The following CCNY variants were observed in gnomAD, a reference collection of about 807,000 sequenced individuals.
The protein encoded by CCNY is cyclin-Y.
CCNY carries 19 observed loss-of-function variants against 42.8 expected under a neutral mutation model. The ratio of observed to expected loss-of-function variants is 0.44; its 90% CI spans 0.31 to 0.65. The LOEUF is 0.65. Among genes scored for constraint, CCNY ranks in the 30% least tolerant of loss-of-function variants. CCNY has a pLI of 0.07. For synonymous variants in CCNY, 165 were observed against 162.7 expected (o/e 1.01, Z -0.11); for missense variants, 370 against 437.3 (o/e 0.85, Z 1.37).
chr10:35,390,845 A>C lies in CCNY; in HGVS notation c.154+53638A>C, dbSNP rs1164708810. Among the ~76,000 whole-genome samples the C allele has an allele frequency of 2.0e-5, 3 of 152,246 alleles. No individual in the cohort carries two copies. In the East Asian group the frequency reaches 5.8e-4, roughly 29 times the overall value. ...AATGACATGTAAATGCTCAAGATAC[A>C]TAACATGAATTAAAGTGGAATTGCT... On this transcript the variant is annotated intron_variant, in intron 1 of 9. Transcript: ENST00000374704.
chr10:35,339,181 A>T (rs1431741296), intron 1 of CCNY, among the ~76,000 whole-genome samples: 1 of 152,202 alleles, frequency 6.6e-6, no homozygotes, highest in Non-Finnish European at 1.5e-5. Flanking sequence ...TCAATAAATA[A>T]TACTTCTAGC....
chr10:35,260,552 G>C (rs1416221064), intron 3 of CCNY, among the ~76,000 whole-genome samples: 3 of 152,228 alleles, frequency 2.0e-5, no homozygotes, highest in Non-Finnish European at 4.4e-5. Context: ...AGTTTTAAAT[G>C]CTGGCTGTGC....
chr10:35,450,674 C>T (rs565109261), intron 1 of CCNY, among the ~76,000 whole-genome samples: 109 of 152,002 alleles, frequency 7.2e-4, no homozygotes, highest in African/African-American at 2.5e-3. Context: ...CTTGGGGAGG[C>T]CAGTATTACC....
chr10:35,511,143 CTG>C (rs1840317293), intron 3 of CCNY, among the ~76,000 whole-genome samples: 1 of 152,242 alleles, frequency 6.6e-6, no homozygotes, highest in Non-Finnish European at 1.5e-5. Context: ...TGTGGCCACA[CTG>C]TGGTCTCCCT....
intron 2 of CCNY, among the ~76,000 whole-genome samples, chr10:35,489,103 C>G (rs1456827362): frequency 1.3e-5 from 2 of 152,154 alleles, no homozygotes; most frequent in Non-Finnish European, 2.9e-5. Context: ...CAGTGAAACC[C>G]TGTCTCTACC....
rs59550105 is a variant in CCNY, at chr10:35,310,974, C to CAACAAAACAAAACAA, written c.-9+60384_-9+60398dup. On this transcript the variant is annotated intron_variant, in intron 3 of 11. Coordinates refer to the CCNY transcript ENST00000374706. Reference sequence around the variant, plus strand: ...TGGGCAACATGGTGAAACCCTGTCTCAACAAAACAAAACAAAACAAAACAA... The same window carrying CAACAAAACAAAACAA: ...TGGGCAACATGGTGAAACCCTGTCTCAACAAAACAAAACAAAACAAAACAAAACAAAACAAAACAA... Among the ~76,000 whole-genome samples, 482 of 145,866 alleles carry CAACAAAACAAAACAA rather than the reference C, an allele frequency of 3.3e-3. 5 individuals carry two copies. The highest frequency in any genetic ancestry group is 0.012 in the African/African-American group (456 of 38,750).
At chr10:35,346,264 A>G (rs1052949752) in intron 1 of CCNY, among the ~76,000 whole-genome samples, 1 of 152,110 alleles carries the variant, frequency 6.6e-6, no homozygotes, top group Admixed American at 6.5e-5. Flanking sequence ...CTCAGGAGAT[A>G]CCCCACCCAC....
intron 1 of CCNY, among the ~76,000 whole-genome samples, chr10:35,451,015 A>C (rs144330784): frequency 1.3e-5 from 2 of 152,190 alleles, no homozygotes; most frequent in Admixed American, 6.5e-5. Flanking sequence ...CATGATCTCA[A>C]ATTTCTTTGG....
intron 3 of CCNY, among the ~76,000 whole-genome samples, chr10:35,511,297 A>G (rs1331161779): frequency 6.6e-6 from 1 of 152,212 alleles, no homozygotes; most frequent in Admixed American, 6.5e-5. Context: ...CCTGCAGTCT[A>G]GACCCCGGAG....
chr10:35,266,785 G>C (rs768895371), intron 3 of CCNY, among the ~76,000 whole-genome samples: 1 of 152,040 alleles, frequency 6.6e-6, no homozygotes, highest in Non-Finnish European at 1.5e-5. Flanking sequence ...GGCTCTCCTT[G>C]AAAGATGACC....
In CCNY at chr10:35,570,936, C is replaced by T. The variant is rs1841673638; in HGVS notation, c.*1766C>T. On this transcript the variant is annotated 3_prime_UTR_variant, in exon 10 of 10. Transcript: ENST00000374704. Reference sequence around the variant, plus strand: ...AAAAGCAAATAAACAGCATATAAAACGTTAATTATCTTTCCATTGTAATTG... The same window carrying T: ...AAAAGCAAATAAACAGCATATAAAATGTTAATTATCTTTCCATTGTAATTG... 2 of 152,284 alleles carry T rather than the reference C, an allele frequency of 1.3e-5. No homozygotes were observed. The highest frequency in any genetic ancestry group is 2.9e-5 in the Non-Finnish European group (2 of 68,032). 9.4% of individuals were successfully genotyped at this position (152,284 alleles called of 1,614,324 possible).
intron 1 of CCNY, among the ~76,000 whole-genome samples, chr10:35,437,131 A>G (rs1277735224): frequency 2.0e-5 from 3 of 152,204 alleles, no homozygotes; most frequent in East Asian, 1.9e-4. Flanking sequence ...CGATTCAGTT[A>G]TCTCCACCCG....
At chr10:35,352,102 CGGTG>C (rs2135139351) in intron 1 of CCNY, among the ~76,000 whole-genome samples, 2 of 152,302 alleles carry the variant, frequency 1.3e-5, no homozygotes, top group South Asian at 4.1e-4. Flanking sequence ...TTAACGCTGA[CGGTG>C]GGTCACTGTG....
At chr10:35,385,928 G>A (rs533047600) in intron 1 of CCNY, among the ~76,000 whole-genome samples, 1 of 152,258 alleles carries the variant, frequency 6.6e-6, no homozygotes, top group East Asian at 1.9e-4. Context: ...CCATAAGCAT[G>A]TGTGAGCTCT....
At chr10:35,539,039 T>C (rs1426002701) in intron 7 of CCNY, among the ~76,000 whole-genome samples, 1 of 152,246 alleles carries the variant, frequency 6.6e-6, no homozygotes, top group Non-Finnish European at 1.5e-5. Context: ...TTGAACTGTC[T>C]TGTCACCCTT....
chr10:35,413,785 G>C (rs1332794625), intron 1 of CCNY, among the ~76,000 whole-genome samples: 1 of 152,194 alleles, frequency 6.6e-6, no homozygotes, highest in African/African-American at 2.4e-5. Flanking sequence ...CGGGAGTTGA[G>C]GAAGAAAAAG....
At chr10:35,428,199 T>C (rs1838310958) in intron 1 of CCNY, among the ~76,000 whole-genome samples, 1 of 152,176 alleles carries the variant, frequency 6.6e-6, no homozygotes, top group Non-Finnish European at 1.5e-5. Flanking sequence ...ATGGGAGAGA[T>C]GGGCATTCAC....
chr10:35,374,284 T>C (rs1837003248), intron 1 of CCNY, among the ~76,000 whole-genome samples: 1 of 152,222 alleles, frequency 6.6e-6, no homozygotes, highest in South Asian at 2.1e-4. Flanking sequence ...TTATTAATTT[T>C]TAATACATTT....
At chr10:35,531,312 C>T (rs1449723743) in intron 7 of CCNY, among the ~76,000 whole-genome samples, 1 of 152,220 alleles carries the variant, frequency 6.6e-6, no homozygotes, top group Non-Finnish European at 1.5e-5. Context: ...CCGAAGGACT[C>T]TTTGTGTCTC....
Sources: gnomAD v4.1 joint callset for allele counts (sites outside exome capture counted in the v4.1 genomes callset) on GRCh38, gnomAD v4.1.1 for gene constraint, MANE v1.5 for transcripts, NCBI Gene and HGNC (gene_info 2026-07-23, HGNC 2026-07-21) for gene names.